The following TRIO variants were observed in gnomAD, a reference collection of about 807,000 sequenced individuals.
TRIO encodes the protein triple functional domain protein.
TRIO carries 58 observed loss-of-function variants against 351.9 expected under a neutral mutation model. That is an observed-to-expected ratio of 0.16 (90% CI 0.13 to 0.21). The LOEUF (loss-of-function observed/expected upper bound fraction) is 0.21, where lower values mean the gene tolerates loss of function less well. Among genes scored for constraint, TRIO ranks in the 10% least tolerant of loss-of-function variants. The pLI, the probability that TRIO is intolerant of heterozygous loss-of-function variation, is 1.00. For synonymous variants in TRIO, 1,758 were observed against 1,595.7 expected (o/e 1.10, Z -2.42); for missense variants, 3,201 against 4,027.8 (o/e 0.79, Z 5.56).
At position 14,387,435 on chromosome 5, in the gene TRIO, C is replaced by T; in HGVS notation, c.3571-3C>T. The stretch of plus-strand genomic sequence containing the variant: ...CACAATACTTTCCTGTTGTTTTTTG[C>T]AGCAAACCAAAGAGAGAGTGAAGCT... On this transcript the variant is annotated splice_region_variant and splice_polypyrimidine_tract_variant and intron_variant, in intron 21 of 56. Transcript: ENST00000344204. 1 of 1,593,186 alleles carries T rather than the reference C, an allele frequency of 6.3e-7. No individual in the cohort carries two copies. The highest frequency in any genetic ancestry group is 1.8e-5 in the Admixed American group (1 of 56,214).
At chr5:14,345,635 A>G (rs1328358760) in intron 11 of TRIO, among the ~76,000 whole-genome samples, 1 of 152,194 alleles carries the variant, frequency 6.6e-6, no homozygotes, top group Non-Finnish European at 1.5e-5. Context: ...ATCTTGGCTC[A>G]CTGCAACCTC....
intron 48 of TRIO, chr5:14,488,810 A>G: frequency 1.6e-6 from 1 of 633,234 alleles, no homozygotes; most frequent in Non-Finnish European, 2.8e-6. Context: ...GTCCACTGGG[A>G]ACGCTTTACG....
intron 1 of TRIO, among the ~76,000 whole-genome samples, chr5:14,207,402 A>C (rs1457787721): frequency 2.0e-5 from 1 of 50,338 alleles, no homozygotes; most frequent in Non-Finnish European, 6.3e-5. Context: ...ACACACACAC[A>C]CACACACACA....
intron 1 of TRIO, among the ~76,000 whole-genome samples, chr5:14,187,650 T>C (rs1790206199): frequency 6.6e-6 from 1 of 152,216 alleles, no homozygotes; most frequent in African/African-American, 2.4e-5. Flanking sequence ...CTAACAAGAT[T>C]TGACATGTGC....
intron 34 of TRIO, among the ~76,000 whole-genome samples, chr5:14,460,212 G>GGCCC (rs1341785545): frequency 5.9e-5 from 9 of 152,116 alleles, no homozygotes; most frequent in Non-Finnish European, 1.0e-4. Flanking sequence ...CACCGCGCCC[G>GGCCC]GCCCCTCACA....
At chr5:14,378,684 C>T (rs1745791287) in intron 20 of TRIO, among the ~76,000 whole-genome samples, 1 of 152,008 alleles carries the variant, frequency 6.6e-6, no homozygotes, top group Non-Finnish European at 1.5e-5. Context: ...CTCAGCCTCC[C>T]AAGTAGCTGT....
At chr5:14,429,619 A>G (rs1447021921) in intron 34 of TRIO, among the ~76,000 whole-genome samples, 2 of 152,202 alleles carry the variant, frequency 1.3e-5, no homozygotes, top group Non-Finnish European at 2.9e-5. Context: ...CCCCACCCAT[A>G]TGGAGAACTT....
intron 1 of TRIO, among the ~76,000 whole-genome samples, chr5:14,178,404 C>T (rs892260688): frequency 1.3e-5 from 2 of 152,214 alleles, no homozygotes; most frequent in Non-Finnish European, 2.9e-5. Context: ...TAGGAACCCT[C>T]TTATGGTGTG....
intron 1 of TRIO, among the ~76,000 whole-genome samples, chr5:14,192,596 G>A (rs1184626806): frequency 2.0e-5 from 3 of 152,118 alleles, no homozygotes; most frequent in Non-Finnish European, 4.4e-5. Context: ...GATAACAGGT[G>A]CCTATAAGGC....
At chr5:14,414,341 T>C (rs574315685) in intron 33 of TRIO, among the ~76,000 whole-genome samples, 1 of 152,264 alleles carries the variant, frequency 6.6e-6, no homozygotes, top group Non-Finnish European at 1.5e-5. Context: ...GCGAGGGAGC[T>C]GCCACGTCTC....
At chr5:14,503,869 T>C (rs546459562) in intron 54 of TRIO, among the ~76,000 whole-genome samples, 1 of 152,304 alleles carries the variant, frequency 6.6e-6, no homozygotes, top group South Asian at 2.1e-4. Context: ...CAAGGCCTCG[T>C]CCAGATCGCG....
At chr5:14,431,755 A>G (rs147258792) in intron 34 of TRIO, among the ~76,000 whole-genome samples, 1 of 152,038 alleles carries the variant, frequency 6.6e-6, no homozygotes, top group Non-Finnish European at 1.5e-5. Flanking sequence ...AACAACAGAC[A>G]TTTATTCTCT....
intron 36 of TRIO, among the ~76,000 whole-genome samples, chr5:14,464,273 A>G (rs565037053): frequency 5.6e-4 from 85 of 152,348 alleles, no homozygotes; most frequent in Non-Finnish European, 9.1e-4. Flanking sequence ...TTGTCCAAAC[A>G]TTGAGGGGCT....
chr5:14,189,896 A>AT (rs1273568726), intron 1 of TRIO, among the ~76,000 whole-genome samples: 20 of 151,348 alleles, frequency 1.3e-4, no homozygotes. Context: ...CTAATTTTTT[A>AT]TTTTTTGTAG....
intron 1 of TRIO, among the ~76,000 whole-genome samples, chr5:14,199,813 G>A (rs1337626370): frequency 6.6e-6 from 1 of 152,182 alleles, no homozygotes; most frequent in Non-Finnish European, 1.5e-5. Context: ...TCTGACCATT[G>A]CCAGACCATG....
intron 3 of TRIO, among the ~76,000 whole-genome samples, chr5:14,281,757 A>C (rs1036685110): frequency 1.3e-4 from 20 of 152,090 alleles, no homozygotes; most frequent in Non-Finnish European, 2.2e-4. Context: ...GAGTGAGAGG[A>C]GGTGTTTCCT....
chr5:14,356,989 CAGCTTTG>C (rs1408591503), intron 11 of TRIO, among the ~76,000 whole-genome samples: 1 of 152,202 alleles, frequency 6.6e-6, no homozygotes, highest in Non-Finnish European at 1.5e-5. Flanking sequence ...GGGCATCAGC[CAGCTTTG>C]AGGTGAGGGA....
chr5:14,284,485 T>G (rs1426886074), intron 3 of TRIO, among the ~76,000 whole-genome samples: 1 of 152,220 alleles, frequency 6.6e-6, no homozygotes, highest in East Asian at 1.9e-4. Flanking sequence ...TTTTCATTAC[T>G]TAGGAAGCCG....
chr5:14,150,472 CA>C (rs765307882), intron 1 of TRIO, among the ~76,000 whole-genome samples: 5 of 151,642 alleles, frequency 3.3e-5, no homozygotes, highest in Non-Finnish European at 7.4e-5. Flanking sequence ...TAAAATGTGA[CA>C]TTAAAAAAAG....
Sources: gnomAD v4.1 joint callset for allele counts (sites outside exome capture counted in the v4.1 genomes callset) on GRCh38, gnomAD v4.1.1 for gene constraint, MANE v1.5 for transcripts, NCBI Gene and HGNC (gene_info 2026-07-23, HGNC 2026-07-21) for gene names.